Variants in RBFOX1 observed in about 807,000 individuals in gnomAD.
RBFOX1 encodes RNA binding protein fox-1 homolog 1.
Under a neutral mutation model 57.7 loss-of-function variants are expected in RBFOX1, and 8 were observed. The ratio of observed to expected loss-of-function variants is 0.14; its 90% CI spans 0.08 to 0.25. The LOEUF is 0.25. Among genes scored for constraint, RBFOX1 ranks in the 10% least tolerant of loss-of-function variants. RBFOX1 has a pLI of 1.00. For synonymous variants in RBFOX1, 326 were observed against 222.4 expected, an observed-to-expected ratio of 1.47 and a Z score of -4.15; for missense variants, 611 against 548.5, an observed-to-expected ratio of 1.11 and a Z score of -1.14.
At position 6,812,712 on chromosome 16, in the gene RBFOX1, T is replaced by C. The variant is rs1399101591; in HGVS notation, c.-16+158062T>C. ...TTTTAATGCCTAAATGTGGTCTAAA[T>C]CTTTTAGGACAAGTGTGGCCTCATG... On this transcript the variant is annotated intron_variant, in intron 3 of 15. Transcript: ENST00000550418. 2.0e-5 allele frequency among the ~76,000 whole-genome samples: 3 copies of C among 152,134 alleles called. No homozygotes were observed. The East Asian group carries it at 5.8e-4, about 29-fold the overall frequency.
intron 11 of RBFOX1, among the ~76,000 whole-genome samples, chr16:7,642,169 G>C (rs2062934937): frequency 6.6e-6 from 1 of 152,126 alleles, no homozygotes; most frequent in Non-Finnish European, 1.5e-5. Context: ...TGACTGGACT[G>C]GTGGACCACT....
rs138309692 is a variant in RBFOX1 at position 7,632,062 on chromosome 16, A to G, written c.757+1379A>G. Among the ~76,000 whole-genome samples, 778 of 152,206 alleles carry G rather than the reference A, an allele frequency of 5.1e-3. 6 individuals are homozygous for G. The highest frequency in any genetic ancestry group is 0.017 in the African/African-American group (704 of 41,530). On this transcript the variant is annotated intron_variant, in intron 11 of 15. Transcript: ENST00000550418. ...GTAGCCGGGATTATAGGTATGTACC[A>G]CCACTCCCACTGATTTTTGTATTTT...
intron 3 of RBFOX1, among the ~76,000 whole-genome samples, chr16:5,682,214 A>T (rs1278352199): frequency 2.6e-5 from 4 of 152,226 alleles, no homozygotes; most frequent in Non-Finnish European, 5.9e-5. Context: ...ATGAGAGATT[A>T]ATAAATGCAT....
chr16:7,013,190 A>C (rs765841265), intron 3 of RBFOX1, among the ~76,000 whole-genome samples: 1 of 152,154 alleles, frequency 6.6e-6, no homozygotes, highest in Non-Finnish European at 1.5e-5. Context: ...TGGCTTTGTG[A>C]CTGAGATTGA....
intron 4 of RBFOX1, among the ~76,000 whole-genome samples, chr16:7,295,750 A>C (rs2095876039): frequency 6.6e-6 from 1 of 152,070 alleles, no homozygotes; most frequent in Non-Finnish European, 1.5e-5. Flanking sequence ...AGAGTTCCCA[A>C]ATACCCCATC....
chr16:7,610,139 T>TTTTTTTTTTTTTTTTTTTTG (rs2057174916), intron 10 of RBFOX1, among the ~76,000 whole-genome samples: 1 of 127,614 alleles, frequency 7.8e-6, no homozygotes, highest in Admixed American at 8.0e-5. Context: ...TTTTTTTTTT[T>TTTTTTTTTTTTTTTTTTTTG]GAGGCAGTTT....
intron 3 of RBFOX1, among the ~76,000 whole-genome samples, chr16:5,820,404 G>C (rs2055802137): frequency 6.6e-6 from 1 of 152,168 alleles, no homozygotes. Context: ...GTGGGGTGAG[G>C]AAGGACCATC....
At chr16:6,535,823 G>A (rs2096727478) in intron 2 of RBFOX1, among the ~76,000 whole-genome samples, 1 of 152,166 alleles carries the variant, frequency 6.6e-6, no homozygotes, top group Non-Finnish European at 1.5e-5. Flanking sequence ...CACAAGCTCA[G>A]TTTCTCCCTC....
chr16:7,267,949 T>C (rs1371733440), intron 4 of RBFOX1, among the ~76,000 whole-genome samples: 1 of 152,168 alleles, frequency 6.6e-6, no homozygotes, highest in African/African-American at 2.4e-5. Flanking sequence ...GGGGTACCGC[T>C]CTGAGAAACA....
chr16:7,405,637 G>A (rs1280214525), intron 4 of RBFOX1, among the ~76,000 whole-genome samples: 2 of 152,178 alleles, frequency 1.3e-5, no homozygotes, highest in East Asian at 1.9e-4. Flanking sequence ...TATATTGGAG[G>A]AATCAGAGCA....
chr16:6,487,195 A>C (rs539389787), intron 2 of RBFOX1, among the ~76,000 whole-genome samples: 4 of 148,520 alleles, frequency 2.7e-5, no homozygotes, highest in Non-Finnish European at 5.9e-5. Flanking sequence ...CAAAAGGCCG[A>C]AACAGCTTAT....
chr16:5,630,752 C>T (rs549288789), intron 3 of RBFOX1, among the ~76,000 whole-genome samples: 1 of 152,144 alleles, frequency 6.6e-6, no homozygotes, highest in African/African-American at 2.4e-5. Context: ...TCTGGAGGGC[C>T]AGGCTCTAAC....
At chr16:6,082,724 G>C (rs2096022498) in intron 1 of RBFOX1, among the ~76,000 whole-genome samples, 1 of 152,104 alleles carries the variant, frequency 6.6e-6, no homozygotes, top group Admixed American at 6.5e-5. Context: ...TGAGCACACA[G>C]AGAATGATCA....
intron 2 of RBFOX1, among the ~76,000 whole-genome samples, chr16:6,626,457 G>T (rs2098309393): frequency 6.6e-6 from 1 of 152,108 alleles, no homozygotes. Flanking sequence ...ACACTCAACA[G>T]GGATTAAGGT....
intron 3 of RBFOX1, among the ~76,000 whole-genome samples, chr16:6,724,401 G>T (rs1445170143): frequency 6.6e-6 from 1 of 151,926 alleles, no homozygotes; most frequent in East Asian, 1.9e-4. Context: ...GTAGAGACAG[G>T]TTTCACCATG....
intron 5 of RBFOX1, among the ~76,000 whole-genome samples, chr16:7,575,053 G>C (rs942331943): frequency 6.6e-6 from 1 of 151,830 alleles, no homozygotes. Context: ...TCTTATTTGG[G>C]GGGGGCTGTG....
At chr16:7,695,620 C>G (rs538782774) in intron 14 of RBFOX1, among the ~76,000 whole-genome samples, 2 of 144,294 alleles carry the variant, frequency 1.4e-5, no homozygotes, top group South Asian at 2.2e-4. Context: ...CCACTGCACT[C>G]CGGCCTGGAC....
chr16:6,719,832 C>T (rs2065608448), intron 3 of RBFOX1, among the ~76,000 whole-genome samples: 1 of 151,988 alleles, frequency 6.6e-6, no homozygotes, highest in African/African-American at 2.4e-5. Flanking sequence ...GCTGCTCACA[C>T]CTGTAATCTC....
chr16:6,596,571 T>C (rs1183584225), intron 2 of RBFOX1, among the ~76,000 whole-genome samples: 1 of 152,210 alleles, frequency 6.6e-6, no homozygotes, highest in African/African-American at 2.4e-5. Flanking sequence ...GGATAAGAGA[T>C]GGGTAATTCT....
Sources: gnomAD v4.1 joint callset for allele counts (sites outside exome capture counted in the v4.1 genomes callset) on GRCh38, gnomAD v4.1.1 for gene constraint, MANE v1.5 for transcripts, NCBI Gene and HGNC (gene_info 2026-07-23, HGNC 2026-07-21) for gene names.